THAP10: variants seen among roughly 807,000 people sequenced by gnomAD.
THAP10 encodes THAP domain containing 10.
A neutral mutation model predicts 15.7 loss-of-function variants in THAP10; 10 were observed. That is an observed-to-expected ratio of 0.64 (90% CI 0.39 to 1.08). THAP10 has a LOEUF of 1.08. Ranked by LOEUF, THAP10 falls within the 50% of genes least tolerant of loss-of-function variation. The pLI, the probability that THAP10 is intolerant of heterozygous loss-of-function variation, is 0.01. For synonymous variants in THAP10, 127 were observed against 129.1 expected (o/e 0.98, Z 0.11); for missense variants, 310 against 330.9 (o/e 0.94, Z 0.49).
At chr15:70,883,792 T>C (rs565498621) in intron 1 of THAP10, among the ~76,000 whole-genome samples, 1 of 151,986 alleles carries the variant, frequency 6.6e-6, no homozygotes, top group Non-Finnish European at 1.5e-5. Flanking sequence ...GTAGCTGGGA[T>C]TACAGGTGCC....
chr15:70,886,725 G>T (rs534676142), intron 1 of THAP10, among the ~76,000 whole-genome samples: 2 of 152,240 alleles, frequency 1.3e-5, no homozygotes, highest in South Asian at 4.2e-4. Flanking sequence ...AATTAGCTGG[G>T]TGCGGTGGCA....
chr15:70,891,565 C>CTGTGTG (rs1491474980), intron 1 of THAP10, among the ~76,000 whole-genome samples: 23 of 119,066 alleles, frequency 1.9e-4, no homozygotes, highest in South Asian at 6.0e-4. Flanking sequence ...CAGGACAAGA[C>CTGTGTG]TCTGTGTGTG....
rs2033260408 is a variant in THAP10 at position 70,881,375 on chromosome 15, C to T, written c.*1079G>A. ...ATATTTTATTTTATTTTCCTTAAAG[C>T]AGACATAAAATTACATTTGGAAGAA... On this transcript the variant is annotated 3_prime_UTR_variant, in exon 3 of 3. Coordinates refer to ENST00000249861, the MANE Select transcript of THAP10 (RefSeq NM_020147.4). 6.6e-6 allele frequency: 1 copy of T among 152,134 alleles called. No individual in the cohort carries two copies. Among genetic ancestry groups the T allele is most frequent in the African/African-American group, 2.4e-5 (1 of 41,430 alleles). The allele number at this position is 152,134 out of a possible 1,614,324, so 9.4% of individuals were successfully genotyped here. A position where few individuals can be genotyped will look rare whatever the true frequency, so the allele number is the denominator to read the frequency against.
In THAP10 at chr15:70,891,884, C is replaced by G; in HGVS notation, c.389G>C (p.Cys130Ser). 1 of 1,611,848 alleles carries G rather than the reference C, an allele frequency of 6.2e-7. No homozygotes were observed. Among genetic ancestry groups the G allele is most frequent in the East Asian group, 2.2e-5 (1 of 44,850 alleles). The change falls in exon 1 of 3, where the codon TGT becomes TCT. Residue 130 changes from cysteine (C) to serine (S), a missense_variant. Cys to Ser is a moderately radical substitution (Grantham distance 112). Transcript: ENST00000249861. ...HSEAAPGPVS[C>S]TRPRAGKQAA... ...CTGCTTCCCAGCTCGGGGGCGTGTA[C>G]AGGAGACTGGACCTGGGGCAGCCTC...
chr15:70,882,214 T>C lies in THAP10; in HGVS notation c.*240A>G, dbSNP rs528670818. ...TTGTGGTTTTGCTTTGTAACCTGAT[T>C]TCTACCAAAAGGATTAAAAGAAAAA... On this transcript the variant is annotated 3_prime_UTR_variant, in exon 3 of 3. Coordinates refer to ENST00000249861, the MANE Select transcript of THAP10 (RefSeq NM_020147.4). 2.6e-5 allele frequency: 10 copies of C among 382,720 alleles called. No individual in the cohort carries two copies. The highest frequency in any genetic ancestry group is 8.3e-5 in the African/African-American group (4 of 48,432). 23.7% of individuals were successfully genotyped at this position (382,720 alleles called of 1,614,324 possible).
At chr15:70,885,211 G>C (rs540947766) in intron 1 of THAP10, among the ~76,000 whole-genome samples, 1 of 152,154 alleles carries the variant, frequency 6.6e-6, no homozygotes, top group African/African-American at 2.4e-5. Flanking sequence ...CTAGAACAAG[G>C]CAGAAAGAGA....
intron 1 of THAP10, among the ~76,000 whole-genome samples, chr15:70,886,023 A>T (rs1217263700): frequency 6.6e-6 from 1 of 152,166 alleles, no homozygotes; most frequent in African/African-American, 2.4e-5. Context: ...TATTGCAAAA[A>T]TTTAACTAAA....
rs1165838376 is a variant in THAP10, at chr15:70,892,018, G to A, written c.255C>T (p.Ala85=). ...CGGGCACCCGGTGCAGGGTGGGCAC[G>A]GCGCCTGCCACCAGCCTCAGGCGCT... The part of the protein sequence containing the change: ...FSQRLRLVAG[A]VPTLHRVPAP... Residue 85 remains alanine, a synonymous_variant, in exon 1 of 3, where the codon GCC becomes GCT. Coordinates refer to ENST00000249861, the MANE Select transcript of THAP10 (RefSeq NM_020147.4). 6.2e-7 allele frequency: 1 copy of A among 1,612,728 alleles called. No individual in the cohort carries two copies.
At chr15:70,885,927 A>C (rs1403793937) in intron 1 of THAP10, among the ~76,000 whole-genome samples, 1 of 152,182 alleles carries the variant, frequency 6.6e-6, no homozygotes, top group Non-Finnish European at 1.5e-5. Context: ...AACTATTTTG[A>C]GCATGTTACA....
rs758378668 is a variant in THAP10 at position 70,882,487 on chromosome 15, A to G, written c.741T>C (p.Tyr247=). 1.2e-6 allele frequency: 2 copies of G among 1,613,546 alleles called. No individual in the cohort carries two copies. Among genetic ancestry groups the G allele is most frequent in the East Asian group, 2.2e-5 (1 of 44,844 alleles). The change falls in exon 3 of 3, where the codon TAT becomes TAC. Residue 247 remains tyrosine (Y), a synonymous_variant. Coordinates refer to ENST00000249861, the MANE Select transcript of THAP10 (RefSeq NM_020147.4). ...TTTCTTCTTTCACCTGTACAGCCAT[A>G]TAAGACAAATCACTCTGTTCACTCT... The part of the protein sequence containing the change: ...DIKSEQSDLS[Y]MAVQVKEETC
Position 70,892,226 on chromosome 15 carries a change from G to A in THAP10, c.47C>T (p.Ser16Phe), listed in dbSNP as rs763345768. ...GGGAAAGCGGAACAGCGACTTCCCA[G>A]ACTTGGTGGTGTTGCCGCAGTGGGC... ...VAAHCGNTTK[S>F]GKSLFRFPKD... The change falls in exon 1 of 3, where the codon TCT (serine) becomes TTT (phenylalanine). Residue 16 changes from serine to phenylalanine, a missense_variant. Physicochemically the swap from Ser to Phe is radical, Grantham distance 155. Coordinates refer to ENST00000249861, the MANE Select transcript of THAP10 (RefSeq NM_020147.4). The A allele has an allele frequency of 5.0e-6, 8 of 1,594,368 alleles. No individual in the cohort carries two copies.
At chr15:70,889,953 A>G (rs2033509406) in intron 1 of THAP10, among the ~76,000 whole-genome samples, 1 of 152,168 alleles carries the variant, frequency 6.6e-6, no homozygotes, top group African/African-American at 2.4e-5. Flanking sequence ...AACCTTATAT[A>G]CTTTTAAAGT....
chr15:70,890,059 G>C (rs1183710560), intron 1 of THAP10, among the ~76,000 whole-genome samples: 1 of 152,050 alleles, frequency 6.6e-6, no homozygotes, highest in Admixed American at 6.6e-5. Flanking sequence ...TTACTAAATG[G>C]AAAACAGATT....
chr15:70,891,900 G>A lies in THAP10; in HGVS notation c.373C>T (p.Pro125Ser), dbSNP rs1335595572. The A allele has an allele frequency of 6.2e-7, 1 of 1,613,114 alleles. No homozygotes were observed. The highest frequency in any genetic ancestry group is 8.5e-7 in the Non-Finnish European group (1 of 1,179,832). Residue 125 changes from proline (P) to serine (S), a missense_variant, in exon 1 of 3, where the codon CCA (proline) becomes TCA (serine). Physicochemically the swap from Pro to Ser is moderately conservative, Grantham distance 74. Coordinates refer to ENST00000249861, the MANE Select transcript of THAP10 (RefSeq NM_020147.4). ...GGGCGTGTACAGGAGACTGGACCTG[G>A]GGCAGCCTCAGAATGCCTGGCTGCC... ...LQAARHSEAA[P>S]GPVSCTRPRA... is the part of the protein sequence containing the mutation.
Position 70,892,388 on chromosome 15 carries a change from C to T in THAP10, c.-116G>A, listed in dbSNP as rs562942464. 286 of 1,544,668 alleles carry T rather than the reference C, an allele frequency of 1.9e-4. 3 individuals carry two copies. In the South Asian group the frequency reaches 3.2e-3, roughly 17 times the overall value. The stretch of plus-strand genomic sequence containing the variant: ...CCCTCCTCACCTGTCCACTCCGGGT[C>T]GGGATTGTTTCCTTCCCTACCTCTG... On this transcript the variant is annotated 5_prime_UTR_variant, in exon 1 of 3. Coordinates refer to ENST00000249861, the MANE Select transcript of THAP10 (RefSeq NM_020147.4).
At chr15:70,889,453 TTC>T (rs1262715488) in intron 1 of THAP10, among the ~76,000 whole-genome samples, 1 of 152,078 alleles carries the variant, frequency 6.6e-6, no homozygotes, top group African/African-American at 2.4e-5. Flanking sequence ...GCTAGCAATG[TTC>T]TGTTTCTTTG....
intron 1 of THAP10, among the ~76,000 whole-genome samples, chr15:70,889,732 A>G (rs530635266): frequency 1.1e-4 from 16 of 152,312 alleles, no homozygotes; most frequent in Admixed American, 3.9e-4. Flanking sequence ...ATATAGCACC[A>G]AGCACCCAGA....
In THAP10 at chr15:70,882,729, A is replaced by G. The variant is rs558623535; in HGVS notation, c.577+32T>C. The G allele has an allele frequency of 1.4e-5, 23 of 1,613,590 alleles. No individual in the cohort carries two copies. The African/African-American group carries it at 2.0e-4, about 14-fold the overall frequency. On this transcript the variant is annotated intron_variant, in intron 2 of 2. Coordinates refer to ENST00000249861, the MANE Select transcript of THAP10 (RefSeq NM_020147.4). ...CTTTAATATACGAAAGATCAATTCA[A>G]TTGCTTAATCCATTGAAGAGTCAAA... is the stretch of plus-strand genomic sequence containing the variant.
At chr15:70,885,801 T>G (rs2033390739) in intron 1 of THAP10, among the ~76,000 whole-genome samples, 1 of 152,160 alleles carries the variant, frequency 6.6e-6, no homozygotes, top group African/African-American at 2.4e-5. Flanking sequence ...TCTTAGTAAT[T>G]AAGATAAAAA....
Sources: allele counts gnomAD v4.1 joint callset (sites outside exome capture counted in the v4.1 genomes callset), GRCh38; gene constraint gnomAD v4.1.1; transcripts MANE v1.5; gene names NCBI Gene and HGNC (gene_info 2026-07-23, HGNC 2026-07-21).